PCDH9: variants seen among roughly 807,000 people sequenced by gnomAD.
The protein encoded by PCDH9 is protocadherin-9.
A neutral mutation model predicts 70.6 loss-of-function variants in PCDH9; 24 were observed. The observed-to-expected ratio is 0.34, with a 90% CI of 0.25 to 0.48. The LOEUF is 0.48. PCDH9 is among the 20% of genes least tolerant of loss of function. The pLI, the probability that PCDH9 is intolerant of heterozygous loss-of-function variation, is 0.99. For synonymous variants in PCDH9, 562 were observed against 558.5 expected, an observed-to-expected ratio of 1.01 and a Z score of -0.09; for missense variants, 1,281 against 1,503.6, an observed-to-expected ratio of 0.85 and a Z score of 2.45.
chr13:67,154,812 TCCTG>T (rs1485140513), intron 2 of PCDH9, among the ~76,000 whole-genome samples: 1 of 150,684 alleles, frequency 6.6e-6, no homozygotes, highest in Non-Finnish European at 1.5e-5. Context: ...CAAATGATTC[TCCTG>T]CCTCAGCCTC....
intron 2 of PCDH9, among the ~76,000 whole-genome samples, chr13:66,960,658 T>C (rs2083331397): frequency 6.6e-6 from 1 of 152,186 alleles, no homozygotes; most frequent in African/African-American, 2.4e-5. Context: ...GTTACAATTA[T>C]TACTTTTATA....
chr13:67,017,579 G>A (rs1363941608), intron 2 of PCDH9, among the ~76,000 whole-genome samples: 1 of 152,100 alleles, frequency 6.6e-6, no homozygotes, highest in Non-Finnish European at 1.5e-5. Flanking sequence ...TTAAATTTTT[G>A]TCTCAAACAT....
At chr13:66,796,301 A>C (rs2080239738) in intron 3 of PCDH9, among the ~76,000 whole-genome samples, 1 of 152,160 alleles carries the variant, frequency 6.6e-6, no homozygotes, top group East Asian at 1.9e-4. Flanking sequence ...GAGGCTGGGG[A>C]AAAAGCAAAG....
At chr13:66,978,883 T>C (rs1337069429) in intron 2 of PCDH9, among the ~76,000 whole-genome samples, 5 of 151,188 alleles carry the variant, frequency 3.3e-5, no homozygotes, top group Non-Finnish European at 7.4e-5. Flanking sequence ...TATGAAGTTA[T>C]TAAGGCCAAA....
chr13:67,188,952 T>C (rs943012585), intron 2 of PCDH9, among the ~76,000 whole-genome samples: 16 of 151,956 alleles, frequency 1.1e-4, no homozygotes, highest in Non-Finnish European at 1.9e-4. Flanking sequence ...ACCACCCTTT[T>C]CCCCTGAGTC....
chr13:66,324,307 T>C (rs1396502325), intron 4 of PCDH9, among the ~76,000 whole-genome samples: 1 of 151,986 alleles, frequency 6.6e-6, no homozygotes. Context: ...GGTAGATCTA[T>C]TGGTGAATAT....
intron 4 of PCDH9, among the ~76,000 whole-genome samples, chr13:66,546,186 AG>A (rs1009191722): frequency 4.7e-5 from 7 of 149,442 alleles, no homozygotes; most frequent in Middle Eastern, 3.2e-3. Flanking sequence ...AAAAAAAAAA[AG>A]TTAACTATAA....
At chr13:66,712,930 G>A (rs970880012) in intron 3 of PCDH9, among the ~76,000 whole-genome samples, 1 of 152,048 alleles carries the variant, frequency 6.6e-6, no homozygotes, top group Admixed American at 6.6e-5. Flanking sequence ...ACATGAAAAA[G>A]GATAATTAAA....
At chr13:66,547,927 TA>T (rs1961285334) in intron 4 of PCDH9, among the ~76,000 whole-genome samples, 1 of 147,716 alleles carries the variant, frequency 6.8e-6, no homozygotes, top group Non-Finnish European at 1.5e-5. Context: ...AATCATATTA[TA>T]TAATAATATA....
intron 2 of PCDH9, among the ~76,000 whole-genome samples, chr13:67,187,206 G>T (rs78280742): frequency 0.011 from 1,727 of 152,250 alleles, 23 homozygotes; most frequent in Middle Eastern, 0.062. Flanking sequence ...TTAAAACTTG[G>T]AGTCAAGGGA....
intron 4 of PCDH9, among the ~76,000 whole-genome samples, chr13:66,469,869 C>A (rs1958584327): frequency 6.6e-6 from 1 of 152,238 alleles, no homozygotes; most frequent in East Asian, 1.9e-4. Flanking sequence ...TCTGCTATGT[C>A]TGTAACTGAT....
At chr13:66,833,996 G>GA (rs1228898101) in intron 3 of PCDH9, among the ~76,000 whole-genome samples, 2 of 152,032 alleles carry the variant, frequency 1.3e-5, no homozygotes, top group Admixed American at 1.3e-4. Flanking sequence ...TCTATGGGGA[G>GA]AAAAAACTTT....
intron 4 of PCDH9, among the ~76,000 whole-genome samples, chr13:66,559,833 T>TATATATATATAC (rs777316241): frequency 1.4e-4 from 12 of 87,120 alleles, no homozygotes; most frequent in African/African-American, 4.6e-4. Flanking sequence ...TATATATATA[T>TATATATATATAC]ACACACACAC....
At chr13:66,491,119 T>C (rs1240480469) in intron 4 of PCDH9, among the ~76,000 whole-genome samples, 1 of 152,202 alleles carries the variant, frequency 6.6e-6, no homozygotes, top group Non-Finnish European at 1.5e-5. Context: ...ACTCTTTCAC[T>C]GCCTCTTACA....
intron 2 of PCDH9, among the ~76,000 whole-genome samples, chr13:67,021,475 G>T (rs1292423998): frequency 6.6e-6 from 1 of 152,164 alleles, no homozygotes; most frequent in East Asian, 1.9e-4. Flanking sequence ...ATCATTGAAA[G>T]AAATTACATA....
intron 3 of PCDH9, among the ~76,000 whole-genome samples, chr13:66,795,445 T>TTTATAAATA (rs1475318924): frequency 1.8e-4 from 28 of 152,300 alleles, no homozygotes; most frequent in African/African-American, 6.5e-4. Flanking sequence ...TAACAAATAA[T>TTTATAAATA]TTATAAATAG....
intron 2 of PCDH9, among the ~76,000 whole-genome samples, chr13:67,066,196 A>T (rs1297499194): frequency 6.6e-6 from 1 of 151,904 alleles, no homozygotes; most frequent in Non-Finnish European, 1.5e-5. Flanking sequence ...AACTCAGTGG[A>T]ATGCTTAACA....
chr13:66,443,615 G>A (rs1958015639), intron 4 of PCDH9, among the ~76,000 whole-genome samples: 4 of 151,894 alleles, frequency 2.6e-5, no homozygotes, highest in African/African-American at 9.7e-5. Flanking sequence ...GGGAAACATG[G>A]TTTTGTCACA....
intron 2 of PCDH9, among the ~76,000 whole-genome samples, chr13:66,906,783 TTAAC>T (rs1164843450): frequency 2.0e-5 from 3 of 152,154 alleles, no homozygotes; most frequent in African/African-American, 7.2e-5. Flanking sequence ...TATTTTGAGA[TTAAC>T]TATTATAAAT....
Sources: gnomAD v4.1 joint callset for allele counts (sites outside exome capture counted in the v4.1 genomes callset) on GRCh38, gnomAD v4.1.1 for gene constraint, MANE v1.5 for transcripts, NCBI Gene and HGNC (gene_info 2026-07-23, HGNC 2026-07-21) for gene names.